CEP20: variants seen among roughly 807,000 people sequenced by gnomAD.
CEP20 encodes centrosomal protein 20.
In CEP20, 18 loss-of-function variants were observed where a neutral mutation model predicts 20.0. The observed-to-expected ratio is 0.90, with a 90% CI of 0.62 to 1.34. CEP20 has a LOEUF of 1.34. CEP20 is among the 40% of genes most tolerant of loss of function. CEP20 has a pLI of 0.00. For missense variants in CEP20, 215 were observed against 201.6 expected (o/e 1.07, Z -0.40); for synonymous variants, 77 against 73.7 (o/e 1.04, Z -0.23).
intron 2 of CEP20, among the ~76,000 whole-genome samples, chr16:15,881,224 G>A (rs2045089976): frequency 1.3e-5 from 2 of 151,960 alleles, no homozygotes; most frequent in African/African-American, 4.8e-5. Flanking sequence ...AAATTTTATT[G>A]TATGTAAATT....
chr16:15,879,986 A>G, intron 2 of CEP20, 98 bp from the exon 3 acceptor site: 1 of 800,924 alleles, frequency 1.2e-6, no homozygotes, highest in East Asian at 2.8e-5. Flanking sequence ...CACTTTTTAG[A>G]TTTTGGAAGA....
chr16:15,868,358 G>A lies in CEP20; in HGVS notation c.449-842C>T, dbSNP rs532915065. Among the ~76,000 whole-genome samples, 3 of 151,564 alleles carry A rather than the reference G, an allele frequency of 2.0e-5. No individual in the cohort carries two copies. The East Asian group carries it at 5.9e-4, about 30-fold the overall frequency. ...AGAATCGCTTGAACTCAGAAGTGGA[G>A]GTTGCAGTGAGCCGAGATCGTGCCA... On this transcript the variant is annotated intron_variant, in intron 4 of 4. Transcript: ENST00000255759.
intron 4 of CEP20, among the ~76,000 whole-genome samples, chr16:15,869,436 G>C (rs150909449): frequency 1.3e-5 from 2 of 151,220 alleles, no homozygotes; most frequent in Admixed American, 6.6e-5. Context: ...TCGGCCTCCC[G>C]AGTAGCTGGG....
rs112678844 is a variant in CEP20, at chr16:15,879,678, G to A, written c.311+126C>T. 2,069 of 622,278 alleles carry A rather than the reference G, an allele frequency of 3.3e-3. 13 individuals carry two copies. Among genetic ancestry groups the A allele is most frequent in the Middle Eastern group, 0.019 (44 of 2,370 alleles). 38.5% of individuals were successfully genotyped at this position (622,278 alleles called of 1,614,324 possible). On this transcript the variant is annotated intron_variant, in intron 3 of 4. Coordinates refer to ENST00000255759, the MANE Select transcript of CEP20 (RefSeq NM_144600.4). ...GACTTATTCACTGCTGCACACCCTG[G>A]ATTTAGGACAATGCTTGACACACAC...
At chr16:15,872,170 C>T (rs962240421) in intron 4 of CEP20, among the ~76,000 whole-genome samples, 6 of 151,904 alleles carry the variant, frequency 3.9e-5, no homozygotes, top group South Asian at 2.1e-4. Context: ...AAAAATTAGC[C>T]GAGTGTGGTG....
chr16:15,869,946 T>C (rs1412058978), intron 4 of CEP20, among the ~76,000 whole-genome samples: 1 of 152,214 alleles, frequency 6.6e-6, no homozygotes, highest in Admixed American at 6.5e-5. Context: ...CATCCTCATT[T>C]CTGAGCTGTC....
intron 4 of CEP20, among the ~76,000 whole-genome samples, chr16:15,867,901 A>G (rs2044719329): frequency 6.8e-6 from 1 of 146,762 alleles, no homozygotes; most frequent in Admixed American, 7.1e-5. Flanking sequence ...TGAACCTGGG[A>G]GGCAGAAGTT....
chr16:15,884,084 G>GT lies in CEP20; in HGVS notation c.149dup (p.Asn50LysfsTer5). 1 of 1,613,952 alleles carries GT rather than the reference G, an allele frequency of 6.2e-7. No individual in the cohort carries two copies. The highest frequency in any genetic ancestry group is 8.5e-7 in the Non-Finnish European group (1 of 1,179,894). ...CTCGAATTAATTCATTAATTAGAAG[G>GT]TTTTCATGAGACAATGATGGTCGGG... On this transcript the variant is annotated frameshift_variant, in exon 2 of 5. Coordinates refer to ENST00000255759, the MANE Select transcript of CEP20 (RefSeq NM_144600.4). LOFTEE classifies it high-confidence loss of function.
At chr16:15,882,316 C>A (rs1193398872) in intron 2 of CEP20, among the ~76,000 whole-genome samples, 1 of 152,078 alleles carries the variant, frequency 6.6e-6, no homozygotes, top group Non-Finnish European at 1.5e-5. Flanking sequence ...CCGAGGAGGG[C>A]GGATCACGAG....
At chr16:15,886,802 T>C (rs1215302626) in intron 1 of CEP20, among the ~76,000 whole-genome samples, 4 of 152,364 alleles carry the variant, frequency 2.6e-5, no homozygotes, top group Admixed American at 1.3e-4. Context: ...ATTTTACCTT[T>C]CCCTCTATTA....
chr16:15,877,371 T>C (rs2044979856), intron 3 of CEP20: 1 of 152,286 alleles, frequency 6.6e-6, no homozygotes, highest in African/African-American at 2.4e-5. Flanking sequence ...AAATGATGTC[T>C]TGTATTAAAT....
intron 2 of CEP20, among the ~76,000 whole-genome samples, chr16:15,881,842 A>G (rs2045104839): frequency 6.6e-6 from 1 of 152,168 alleles, no homozygotes; most frequent in South Asian, 2.1e-4. Flanking sequence ...CAACAGATAA[A>G]GGGAATTTAT....
chr16:15,881,572 G>A (rs1314236458), intron 2 of CEP20, among the ~76,000 whole-genome samples: 1 of 152,142 alleles, frequency 6.6e-6, no homozygotes, highest in African/African-American at 2.4e-5. Flanking sequence ...GAGGCATGAA[G>A]TAGTCAAAGC....
chr16:15,887,553 A>G (rs2045274087), intron 1 of CEP20, among the ~76,000 whole-genome samples: 1 of 152,286 alleles, frequency 6.6e-6, no homozygotes, highest in Non-Finnish European at 1.5e-5. Context: ...TTCACTTCTC[A>G]GTACCTCGTT....
rs141906657 is a variant in CEP20, at chr16:15,885,279, G to C, written c.29-1074C>G. On this transcript the variant is annotated intron_variant, in intron 1 of 4. Transcript: ENST00000255759. Reference sequence around the variant, plus strand: ...GCTGAGGTGGTGCCACTGCACTCTAGCCTGGGCGAAAGAGTGAGACTCTGT... The same window carrying C: ...GCTGAGGTGGTGCCACTGCACTCTACCCTGGGCGAAAGAGTGAGACTCTGT... Among the ~76,000 whole-genome samples, 696 of 151,772 alleles carry C rather than the reference G, an allele frequency of 4.6e-3. 5 individuals carry two copies. The highest frequency in any genetic ancestry group is 0.016 in the African/African-American group (650 of 41,424).
intron 1 of CEP20, among the ~76,000 whole-genome samples, chr16:15,887,395 C>T (rs1194420751): frequency 6.6e-6 from 1 of 152,172 alleles, no homozygotes; most frequent in Non-Finnish European, 1.5e-5. Flanking sequence ...CTAAGAATTA[C>T]TAGTTTAAAC....
chr16:15,870,291 G>A (rs2044782700), intron 4 of CEP20, among the ~76,000 whole-genome samples: 1 of 152,072 alleles, frequency 6.6e-6, no homozygotes, highest in African/African-American at 2.4e-5. Context: ...AATGACTTGG[G>A]GTTGCTGTGT....
At chr16:15,887,935 G>A (rs189776347) in intron 1 of CEP20, among the ~76,000 whole-genome samples, 7 of 151,924 alleles carry the variant, frequency 4.6e-5, no homozygotes, top group Admixed American at 3.3e-4. Context: ...AAAATTAGCC[G>A]GGCGTAGTGA....
chr16:15,868,429 G>GA (rs1303630281), intron 4 of CEP20, among the ~76,000 whole-genome samples: 1 of 149,294 alleles, frequency 6.7e-6, no homozygotes, highest in Non-Finnish European at 1.5e-5. Context: ...GTCTCGAGAA[G>GA]AAAAAAAAAG....
Sources: allele counts gnomAD v4.1 joint callset (sites outside exome capture counted in the v4.1 genomes callset), GRCh38; gene constraint gnomAD v4.1.1; transcripts MANE v1.5; gene names NCBI Gene and HGNC (gene_info 2026-07-23, HGNC 2026-07-21).